The following CENPP variants were observed in gnomAD, a reference collection of about 807,000 sequenced individuals.
CENPP encodes centromere protein P.
CENPP carries 24 observed loss-of-function variants against 35.6 expected under a neutral mutation model. That is an observed-to-expected ratio of 0.67 (90% CI 0.49 to 0.95). CENPP has a LOEUF of 0.95. Ranked by LOEUF, CENPP falls within the 40% of genes least tolerant of loss-of-function variation. The probability of loss-of-function intolerance (pLI) is 0.00; values close to 1 mark genes in which losing one functional copy is unlikely to be tolerated. For synonymous variants in CENPP, 120 were observed against 125.5 expected (o/e 0.96, Z 0.29); for missense variants, 332 against 345.3 (o/e 0.96, Z 0.31).
intron 5 of CENPP, among the ~76,000 whole-genome samples, chr9:92,586,502 G>A (rs1340122589): frequency 6.6e-6 from 1 of 151,932 alleles, no homozygotes; most frequent in Admixed American, 6.6e-5. Flanking sequence ...ATATACCAGG[G>A]GAAAAAAGAG....
intron 5 of CENPP, chr9:92,511,922 T>G: frequency 1.1e-6 from 1 of 941,930 alleles, no homozygotes. Context: ...ATTAGAAGCA[T>G]TTTCCTTTTC....
rs2007245 is a variant in CENPP, at chr9:92,546,365, T to G, written c.565-64949T>G. 2.0e-5 allele frequency among the ~76,000 whole-genome samples: 3 copies of G among 152,116 alleles called. No individual in the cohort carries two copies. In the South Asian group the frequency reaches 6.2e-4, roughly 32 times the overall value. On this transcript the variant is annotated intron_variant, in intron 5 of 7. Coordinates refer to ENST00000375587, the MANE Select transcript of CENPP (RefSeq NM_001012267.3). ...CCACTGTGTGGAAGCTTTGTTCTTT[T>G]GCTCTTTGCAATAAATCTTGCTGCT...
chr9:92,551,538 C>T (rs568386943), intron 5 of CENPP, among the ~76,000 whole-genome samples: 3 of 151,736 alleles, frequency 2.0e-5, no homozygotes, highest in Non-Finnish European at 4.4e-5. Context: ...TTTATTTTTC[C>T]ATAAGTTATT....
intron 2 of CENPP, among the ~76,000 whole-genome samples, chr9:92,332,690 C>G (rs1201977146): frequency 6.6e-6 from 1 of 152,042 alleles, no homozygotes; most frequent in East Asian, 1.9e-4. Flanking sequence ...CACCTGTAAT[C>G]TAAGCTACTT....
At chr9:92,453,967 G>GA (rs1024277608) in intron 5 of CENPP, among the ~76,000 whole-genome samples, 23 of 142,888 alleles carry the variant, frequency 1.6e-4, no homozygotes, top group East Asian at 2.0e-4. Context: ...GGAAAAAAAA[G>GA]AAAAAAAAAA....
chr9:92,417,564 T>A, intron 5 of CENPP: 3 of 1,484,024 alleles, frequency 2.0e-6, no homozygotes, highest in Non-Finnish European at 2.7e-6. Context: ...CCCATCTTCT[T>A]TTTTTTTTTC....
chr9:92,342,644 T>C (rs1841158805), intron 3 of CENPP, among the ~76,000 whole-genome samples: 1 of 152,196 alleles, frequency 6.6e-6, no homozygotes, highest in Non-Finnish European at 1.5e-5. Context: ...CAGAGAGCTG[T>C]GGAATCAACA....
Position 92,415,941 on chromosome 9 carries a change from A to G in CENPP, c.564+36082A>G, listed in dbSNP as rs190236194. Among the ~76,000 whole-genome samples, 186 of 145,352 alleles carry G rather than the reference A, an allele frequency of 1.3e-3. 2 individuals are homozygous for G. The highest frequency in any genetic ancestry group is 0.011 in the Middle Eastern group (3 of 276). ...GGAAACATTGTGGAGAAAGTGAGTA[A>G]ACTCAGAATACGCTCTGTATAAATT... On this transcript the variant is annotated intron_variant, in intron 5 of 7. Transcript: ENST00000375587.
intron 5 of CENPP, among the ~76,000 whole-genome samples, chr9:92,390,742 T>C (rs1842644418): frequency 6.6e-6 from 1 of 152,252 alleles, no homozygotes; most frequent in African/African-American, 2.4e-5. Flanking sequence ...CAGGGTTATG[T>C]TCCTGTGAGC....
chr9:92,543,936 G>A lies in CENPP; in HGVS notation c.565-67378G>A, dbSNP rs1003783422. 4.6e-5 allele frequency among the ~76,000 whole-genome samples: 7 copies of A among 152,122 alleles called. No homozygotes were observed. The East Asian group carries it at 1.4e-3, about 29-fold the overall frequency. The stretch of plus-strand genomic sequence containing the variant: ...ATTTATCAATTCTAGCAGTTTTTTG[G>A]TGCAGTCTTTAGAATTTTCTCTATA... On this transcript the variant is annotated intron_variant, in intron 5 of 7. Coordinates refer to ENST00000375587, the MANE Select transcript of CENPP (RefSeq NM_001012267.3).
intron 5 of CENPP, among the ~76,000 whole-genome samples, chr9:92,594,543 G>T (rs1850732279): frequency 6.6e-6 from 1 of 152,134 alleles, no homozygotes. Flanking sequence ...ATTGTCCTTT[G>T]GACTACTTTG....
At chr9:92,594,819 TA>T (rs1218763632) in intron 5 of CENPP, among the ~76,000 whole-genome samples, 2 of 151,572 alleles carry the variant, frequency 1.3e-5, no homozygotes, top group African/African-American at 2.4e-5. Flanking sequence ...TTTTAAAAAT[TA>T]AAAAAAGTTT....
chr9:92,488,579 A>T (rs1846113346), intron 5 of CENPP, among the ~76,000 whole-genome samples: 3 of 152,188 alleles, frequency 2.0e-5, no homozygotes, highest in Admixed American at 2.0e-4. Flanking sequence ...CTGCCCTAGA[A>T]TAGATTTACA....
At chr9:92,518,017 G>T in intron 5 of CENPP, 1 of 983,632 alleles carries the variant, frequency 1.0e-6, no homozygotes, top group Non-Finnish European at 1.5e-6. Flanking sequence ...GGGTAAAGAT[G>T]TCGTATAGAC....
At chr9:92,512,153 G>A (rs1847386479) in intron 5 of CENPP, 2 of 1,539,378 alleles carry the variant, frequency 1.3e-6, no homozygotes, top group Non-Finnish European at 1.8e-6. Context: ...TTATGTTTTA[G>A]GCATGTGTGC....
intron 5 of CENPP, among the ~76,000 whole-genome samples, chr9:92,545,436 G>A (rs1191830884): frequency 2.0e-5 from 3 of 152,200 alleles, no homozygotes; most frequent in African/African-American, 7.2e-5. Context: ...AGCAGTGCCG[G>A]CCCACCGGCG....
At chr9:92,395,055 C>T (rs1164516629) in intron 5 of CENPP, among the ~76,000 whole-genome samples, 1 of 152,026 alleles carries the variant, frequency 6.6e-6, no homozygotes, top group African/African-American at 2.4e-5. Flanking sequence ...GGTTAGCTGA[C>T]TTACAATTAA....
chr9:92,424,263 A>G (rs1460509755), intron 5 of CENPP: 1 of 152,230 alleles, frequency 6.6e-6, no homozygotes, highest in Non-Finnish European at 1.5e-5. Context: ...AATGAATCAG[A>G]AATTCCTAAA....
chr9:92,359,391 AT>A (rs1841680560), intron 4 of CENPP, among the ~76,000 whole-genome samples: 1 of 151,892 alleles, frequency 6.6e-6, no homozygotes, highest in South Asian at 2.1e-4. Context: ...GTTATTATTT[AT>A]TTTATTTATT....
Sources: gnomAD v4.1 joint callset for allele counts (sites outside exome capture counted in the v4.1 genomes callset) on GRCh38, gnomAD v4.1.1 for gene constraint, MANE v1.5 for transcripts, NCBI Gene and HGNC (gene_info 2026-07-23, HGNC 2026-07-21) for gene names.